CIT: variants seen among roughly 807,000 people sequenced by gnomAD.
CIT encodes the protein citron Rho-interacting kinase.
Under a neutral mutation model 272.7 loss-of-function variants are expected in CIT, and 79 were observed. The ratio of observed to expected loss-of-function variants is 0.29; its 90% confidence interval spans 0.24 to 0.35. The LOEUF is 0.35. Ranked by LOEUF, CIT falls within the 10% of genes least tolerant of loss-of-function variation. The probability of loss-of-function intolerance (pLI) is 1.00; values close to 1 mark genes in which losing one functional copy is unlikely to be tolerated. For synonymous variants in CIT, 948 were observed against 995.6 expected, an observed-to-expected ratio of 0.95 and a Z score of 0.90; for missense variants, 1,909 against 2,618.3, an observed-to-expected ratio of 0.73 and a Z score of 5.91.
rs367859182 is a variant in CIT, at chr12:119,723,099, G to A, written c.3592-1650C>T. On this transcript the variant is annotated intron_variant, in intron 28 of 47. Transcript: ENST00000392521. ...ATTTAAAAAAAAAATCATTTGGCCC[G>A]TGTGCGTAATCTGGAATTTCTCAAT... Among the ~76,000 whole-genome samples the A allele has an allele frequency of 4.0e-5, 6 of 151,824 alleles. No individual in the cohort carries two copies. In the East Asian group the frequency reaches 5.8e-4, roughly 15 times the overall value.
intron 17 of CIT, among the ~76,000 whole-genome samples, chr12:119,771,222 T>C (rs1354101575): frequency 2.0e-5 from 3 of 151,996 alleles, no homozygotes; most frequent in Admixed American, 6.6e-5. Context: ...TAAACACAAA[T>C]AATCATAATA....
At chr12:119,725,478 T>A (rs1840425481) in intron 28 of CIT, among the ~76,000 whole-genome samples, 1 of 152,136 alleles carries the variant, frequency 6.6e-6, no homozygotes, top group African/African-American at 2.4e-5. Flanking sequence ...ACGAAGAGGA[T>A]ACTTAGGTGG....
chr12:119,835,637 A>C (rs935424760), intron 5 of CIT, among the ~76,000 whole-genome samples: 1 of 152,308 alleles, frequency 6.6e-6, no homozygotes, highest in South Asian at 2.1e-4. Context: ...AAACTACTGC[A>C]TTCCAAAAGC....
At position 119,734,190 on chromosome 12, in the gene CIT, T is replaced by C. The variant is rs278109; in HGVS notation, c.3324A>G (p.Arg1108=). ...QFECRVRELQ[R]MLDTEKQSRA... is the part of the protein sequence containing the mutation. ...TGCTCTGTTTCTCGGTGTCCAGCAT[T>C]CTCTGCAGCTCTCGAACCCGACACT... The change falls in exon 26 of 48, where the codon AGA becomes AGG. Residue 1108 remains arginine (R), a synonymous_variant. Transcript: ENST00000392521. The C allele has an allele frequency of 0.82, 1,320,099 of 1,612,962 alleles. 542,889 individuals are homozygous for C. Among genetic ancestry groups the C allele is most frequent in the African/African-American group, 0.93 (69,584 of 74,710 alleles).
At chr12:119,749,752 G>A (rs565764491) in intron 23 of CIT, among the ~76,000 whole-genome samples, 1 of 152,176 alleles carries the variant, frequency 6.6e-6, no homozygotes, top group Admixed American at 6.5e-5. Context: ...GATGCTTTGA[G>A]GCAGTGATCT....
Position 119,748,233 on chromosome 12 carries a change from C to G in CIT, c.2904+3817G>C, listed in dbSNP as rs1593581261. On this transcript the variant is annotated intron_variant, in intron 23 of 47. Transcript: ENST00000392521. The stretch of plus-strand genomic sequence containing the variant: ...GTCCACAGATCCACTTTGGGAACCA[C>G]TAACCTAGGAGTTGGGTGGCAAAAA... Among the ~76,000 whole-genome samples the G allele has an allele frequency of 3.3e-5, 5 of 152,306 alleles. No individual in the cohort carries two copies. In the South Asian group the frequency reaches 1.0e-3, roughly 32 times the overall value.
chr12:119,741,585 C>T (rs1959060432), intron 24 of CIT, among the ~76,000 whole-genome samples: 1 of 152,000 alleles, frequency 6.6e-6, no homozygotes, highest in African/African-American at 2.4e-5. Context: ...GGGCTCATAA[C>T]AAGAAAATAA....
chr12:119,789,169 G>A (rs1965080678), intron 10 of CIT, among the ~76,000 whole-genome samples: 1 of 152,196 alleles, frequency 6.6e-6, no homozygotes, highest in South Asian at 2.1e-4. Flanking sequence ...GCCCCGGGAA[G>A]CAACATTTGT....
intron 32 of CIT, among the ~76,000 whole-genome samples, chr12:119,716,053 T>C (rs1333945637): frequency 6.6e-6 from 1 of 152,138 alleles, no homozygotes; most frequent in East Asian, 1.9e-4. Flanking sequence ...CTTTCCTCTA[T>C]CTTGTCATCA....
chr12:119,825,068 G>A (rs768889068), intron 8 of CIT, 97 bp downstream of exon 8: 26 of 1,053,440 alleles, frequency 2.5e-5, no homozygotes, highest in African/African-American at 4.8e-5. Flanking sequence ...CCAAAGTGCC[G>A]GGATTACAGG....
At chr12:119,853,474 T>G (rs1446751662) in intron 4 of CIT, among the ~76,000 whole-genome samples, 3 of 151,974 alleles carry the variant, frequency 2.0e-5, no homozygotes, top group Non-Finnish European at 4.4e-5. Flanking sequence ...AGACAGGGTC[T>G]CACCATGTTA....
chr12:119,821,989 T>C (rs1967763347), intron 9 of CIT, among the ~76,000 whole-genome samples: 1 of 152,154 alleles, frequency 6.6e-6, no homozygotes. Flanking sequence ...GCAATTATAA[T>C]TATAACACAT....
intron 10 of CIT, among the ~76,000 whole-genome samples, chr12:119,792,390 A>T (rs1174052240): frequency 6.6e-6 from 1 of 152,230 alleles, no homozygotes; most frequent in Non-Finnish European, 1.5e-5. Flanking sequence ...AATATGCTGC[A>T]AAAAATAAAA....
At chr12:119,779,087 G>A (rs1219389355) in intron 13 of CIT, among the ~76,000 whole-genome samples, 2 of 152,100 alleles carry the variant, frequency 1.3e-5, no homozygotes, top group Non-Finnish European at 2.9e-5. Context: ...AGACATGGTG[G>A]TGAGCACCTG....
rs1382645149 is a variant in CIT at position 119,804,121 on chromosome 12, G to A, written c.1112-732C>T. On this transcript the variant is annotated intron_variant, in intron 9 of 47. Transcript: ENST00000392521. The surrounding 1 kb of genome is among the most constrained non-coding windows in gnomAD (Gnocchi z 5.3). ...CCGGTGATCTACAGCACCCCTGCGC[G>A]CTGACGGTGGGAATGCACGGATGGA... The A allele has an allele frequency of 4.1e-6, 4 of 971,452 alleles. No homozygotes were observed. Among genetic ancestry groups the A allele is most frequent in the Non-Finnish European group, 4.9e-6 (4 of 817,330 alleles). 60.2% of individuals were successfully genotyped at this position (971,452 alleles called of 1,614,324 possible).
intron 40 of CIT, among the ~76,000 whole-genome samples, chr12:119,706,172 G>A (rs1486539716): frequency 6.6e-6 from 1 of 152,024 alleles, no homozygotes; most frequent in Non-Finnish European, 1.5e-5. Flanking sequence ...AAAATGCGAT[G>A]GTTTTCAACA....
In CIT at chr12:119,772,847, C is replaced by A; in HGVS notation, c.2005G>T (p.Ala669Ser). ...LQNIRQAKER[A>S]ERELEKLQNR... ...TGCAGCTTCTCCAGCTCCCTCTCGG[C>A]TCGCTCCTTTGCCTGGCGGATATTC... Residue 669 changes from alanine to serine, a missense_variant, in exon 17 of 48, where the codon GCC becomes TCC. This residue lies in a region of CIT where 530 missense variants were observed against 822.4 expected (regional missense o/e 0.64). Transcript: ENST00000392521. The A allele has an allele frequency of 6.2e-7, 1 of 1,614,088 alleles. No individual in the cohort carries two copies. The highest frequency in any genetic ancestry group is 1.3e-5 in the African/African-American group (1 of 75,050).
intron 4 of CIT, among the ~76,000 whole-genome samples, chr12:119,854,773 A>ACC (rs138196873): frequency 2.6e-5 from 4 of 151,434 alleles, no homozygotes; most frequent in Non-Finnish European, 5.9e-5. Context: ...ACATGGTGAA[A>ACC]CCCCCCCTCT....
At chr12:119,781,259 C>T (rs577179398) in intron 13 of CIT, among the ~76,000 whole-genome samples, 1 of 152,310 alleles carries the variant, frequency 6.6e-6, no homozygotes, top group South Asian at 2.1e-4. Context: ...GTCCTATGCA[C>T]GTTTATTTAT....
Sources: gnomAD v4.1 joint callset for allele counts (sites outside exome capture counted in the v4.1 genomes callset) on GRCh38, gnomAD v4.1.1 for gene constraint, gnomAD v4.1.1 regional missense constraint, Gnocchi (gnomAD v3.1) non-coding constraint, MANE v1.5 for transcripts, NCBI Gene and HGNC (gene_info 2026-07-23, HGNC 2026-07-21) for gene names.